The following SNTG1 variants were observed in gnomAD, a reference collection of about 807,000 sequenced individuals.
SNTG1 encodes the protein gamma-1-syntrophin.
In SNTG1, 39 loss-of-function variants were observed where a neutral mutation model predicts 74.7. The observed-to-expected ratio is 0.52, with a 90% CI of 0.40 to 0.68. SNTG1 has a LOEUF of 0.68. SNTG1 is among the 30% of genes least tolerant of loss of function. The pLI, the probability that SNTG1 is intolerant of heterozygous loss-of-function variation, is 0.00. For synonymous variants in SNTG1, 254 were observed against 217.1 expected (o/e 1.17, Z -1.49); for missense variants, 685 against 609.5 (o/e 1.12, Z -1.30).
In SNTG1 at chr8:50,081,067, AAGAT is replaced by A. The variant is rs149266358; in HGVS notation, c.-102-91490_-102-91487del. 6.1e-3 allele frequency among the ~76,000 whole-genome samples: 936 copies of A among 152,294 alleles called. 22 individuals carry two copies. The highest frequency in any genetic ancestry group is 0.048 in the Admixed American group (731 of 15,290). On this transcript the variant is annotated intron_variant, in intron 1 of 18. Transcript: ENST00000642720. ...ATATCTATATTTAATAAGTTAATAA[AAGAT>A]AGAGAAAACATTTATAGAATCTTTC...
intron 2 of SNTG1, among the ~76,000 whole-genome samples, chr8:50,324,639 C>T (rs1009704836): frequency 2.6e-5 from 4 of 152,006 alleles, no homozygotes; most frequent in African/African-American, 9.7e-5. Flanking sequence ...AACAACATTC[C>T]CTTGTAGGAT....
chr8:50,239,189 T>A (rs1347478425), intron 2 of SNTG1, among the ~76,000 whole-genome samples: 2 of 152,136 alleles, frequency 1.3e-5, no homozygotes, highest in Non-Finnish European at 1.5e-5. Flanking sequence ...CATTTGCACA[T>A]CTATGTTCAT....
chr8:50,631,981 C>A (rs893254024), intron 13 of SNTG1, among the ~76,000 whole-genome samples: 3 of 152,146 alleles, frequency 2.0e-5, no homozygotes, highest in African/African-American at 7.2e-5. Context: ...ATTAAAGTAA[C>A]TCAGAGTATA....
At chr8:50,116,435 A>G (rs757865111) in intron 1 of SNTG1, among the ~76,000 whole-genome samples, 9 of 151,996 alleles carry the variant, frequency 5.9e-5, no homozygotes, top group African/African-American at 1.9e-4. Context: ...ATTTTTACCC[A>G]CCCTTTGATT....
intron 8 of SNTG1, among the ~76,000 whole-genome samples, chr8:50,476,592 C>A (rs13258865): frequency 0.86 from 130,587 of 152,132 alleles, 56,180 homozygotes; most frequent in Non-Finnish European, 0.89. Context: ...TGGGGATGTC[C>A]TTATGAGCTC....
At chr8:50,561,147 G>A (rs185261612) in intron 12 of SNTG1, among the ~76,000 whole-genome samples, 207 of 151,790 alleles carry the variant, frequency 1.4e-3, no homozygotes, top group Non-Finnish European at 2.0e-3. Flanking sequence ...TCTCATGATA[G>A]TGAGTGAGTT....
intron 10 of SNTG1, among the ~76,000 whole-genome samples, chr8:50,535,777 CAG>C (rs1416268153): frequency 6.6e-6 from 1 of 152,166 alleles, no homozygotes; most frequent in Admixed American, 6.5e-5. Context: ...TTAGACTTCA[CAG>C]AGTTTCAATA....
chr8:50,223,601 CA>C (rs1474953810), intron 2 of SNTG1, among the ~76,000 whole-genome samples: 1 of 151,640 alleles, frequency 6.6e-6, no homozygotes, highest in Non-Finnish European at 1.5e-5. Flanking sequence ...TCATTAAATG[CA>C]AAAGATAATA....
chr8:50,242,949 C>A (rs906173445), intron 2 of SNTG1, among the ~76,000 whole-genome samples: 3 of 151,848 alleles, frequency 2.0e-5, no homozygotes, highest in Non-Finnish European at 2.9e-5. Context: ...TTGATTCATG[C>A]AGGACTTACA....
rs919949999 is a variant in SNTG1 at position 50,124,787 on chromosome 8, C to A, written c.-102-47774C>A. On this transcript the variant is annotated intron_variant, in intron 1 of 18. Coordinates refer to ENST00000642720, the MANE Select transcript of SNTG1 (RefSeq NM_018967.5). ...TTGCCAAATTCCTAAAGAAATTGGC[C>A]CTAGTAATTGAAGCTTGTTGCTAAA... is the stretch of plus-strand genomic sequence containing the variant. 1.3e-4 allele frequency among the ~76,000 whole-genome samples: 18 copies of A among 140,030 alleles called. 3 individuals are homozygous for A. The highest frequency in any genetic ancestry group is 4.5e-4 in the Admixed American group (6 of 13,416). The allele number at this position is 140,030 out of a possible 152,430, so 91.9% of individuals were successfully genotyped here.
intron 9 of SNTG1, among the ~76,000 whole-genome samples, chr8:50,518,740 C>T (rs1206112576): frequency 1.3e-5 from 2 of 152,088 alleles, no homozygotes; most frequent in Non-Finnish European, 2.9e-5. Context: ...ATACACCCTC[C>T]CAAGACTAAA....
chr8:50,671,055 A>G (rs2095279441), intron 15 of SNTG1, among the ~76,000 whole-genome samples: 1 of 151,400 alleles, frequency 6.6e-6, no homozygotes, highest in African/African-American at 2.4e-5. Flanking sequence ...AGATGGATTA[A>G]AGACTTAAAT....
intron 17 of SNTG1, among the ~76,000 whole-genome samples, chr8:50,744,769 CA>C (rs1274696037): frequency 6.6e-6 from 1 of 151,884 alleles, no homozygotes; most frequent in Non-Finnish European, 1.5e-5. Flanking sequence ...TGATTTTCAA[CA>C]AGGGTGCCAA....
intron 2 of SNTG1, among the ~76,000 whole-genome samples, chr8:50,253,078 G>A (rs1266186843): frequency 5.3e-5 from 8 of 152,088 alleles, no homozygotes; most frequent in Non-Finnish European, 8.8e-5. Context: ...CACCGTTGGT[G>A]GGACTGTAAA....
In SNTG1 at chr8:50,781,706, C is replaced by T. The variant is rs555572853; in HGVS notation, c.1396-10965C>T. Among the ~76,000 whole-genome samples the T allele has an allele frequency of 2.1e-3, 321 of 152,126 alleles. 5 individuals are homozygous for T. Among genetic ancestry groups the T allele is most frequent in the African/African-American group, 7.4e-3 (306 of 41,504 alleles). ...ATTGGAGCATTTAGCCCATTTACAT[C>T]TAAAGTTAATATTGTTCTGTGTGAA... On this transcript the variant is annotated intron_variant, in intron 18 of 18. Transcript: ENST00000642720.
chr8:50,017,395 C>A (rs1363075137), intron 1 of SNTG1, among the ~76,000 whole-genome samples: 1 of 151,698 alleles, frequency 6.6e-6, no homozygotes, highest in East Asian at 1.9e-4. Context: ...AAACAAATAG[C>A]AAATAACAGA....
At chr8:50,610,339 T>C (rs2094841460) in intron 13 of SNTG1, among the ~76,000 whole-genome samples, 1 of 152,166 alleles carries the variant, frequency 6.6e-6, no homozygotes, top group African/African-American at 2.4e-5. Context: ...TCTGTTCAGG[T>C]TGAGGTGTGT....
At chr8:50,414,744 C>T (rs2092993388) in intron 4 of SNTG1, among the ~76,000 whole-genome samples, 1 of 151,604 alleles carries the variant, frequency 6.6e-6, no homozygotes, top group African/African-American at 2.4e-5. Flanking sequence ...TGTGTGTGTG[C>T]ATGTGTGTGC....
chr8:49,954,175 G>A (rs1317234938), intron 1 of SNTG1, among the ~76,000 whole-genome samples: 1 of 152,070 alleles, frequency 6.6e-6, no homozygotes, highest in Non-Finnish European at 1.5e-5. Context: ...AACTAACTGG[G>A]TAATTTTTAA....
Sources: allele counts gnomAD v4.1 joint callset (sites outside exome capture counted in the v4.1 genomes callset), GRCh38; gene constraint gnomAD v4.1.1; transcripts MANE v1.5; gene names NCBI Gene and HGNC (gene_info 2026-07-23, HGNC 2026-07-21).